CYP4Z1: variants seen among roughly 807,000 people sequenced by gnomAD.
CYP4Z1 encodes the protein cytochrome P450 4Z1.
Under a neutral mutation model 54.2 loss-of-function variants are expected in CYP4Z1, and 41 were observed. The observed-to-expected ratio is 0.76, with a 90% confidence interval of 0.59 to 0.98. CYP4Z1 has a LOEUF of 0.98. CYP4Z1 is among the 50% of genes least tolerant of loss of function. CYP4Z1 has a pLI of 0.00. For missense variants in CYP4Z1, 513 were observed against 599.0 expected (o/e 0.86, Z 1.50); for synonymous variants, 163 against 206.2 (o/e 0.79, Z 1.79).
intron 4 of CYP4Z1, among the ~76,000 whole-genome samples, chr1:47,084,190 A>G (rs1358967693): frequency 1.3e-5 from 2 of 152,156 alleles, no homozygotes; most frequent in Non-Finnish European, 2.9e-5. Flanking sequence ...TCCTCTCTAA[A>G]TTCTCAATGG....
chr1:47,107,106 TAACAAA>T (rs887052564), intron 9 of CYP4Z1, among the ~76,000 whole-genome samples: 1 of 152,202 alleles, frequency 6.6e-6, no homozygotes, highest in Non-Finnish European at 1.5e-5. Flanking sequence ...ACTATTGTAA[TAACAAA>T]AACAAAAACT....
At chr1:47,108,206 C>G (rs1644770070) in intron 9 of CYP4Z1, among the ~76,000 whole-genome samples, 1 of 152,140 alleles carries the variant, frequency 6.6e-6, no homozygotes, top group Non-Finnish European at 1.5e-5. Flanking sequence ...CCCTGCTTTC[C>G]TTCCTGCCCC....
Position 47,103,703 on chromosome 1 carries a change from T to G in CYP4Z1, c.1068-2425T>G, listed in dbSNP as rs577220677. 1.9e-3 allele frequency among the ~76,000 whole-genome samples: 279 copies of G among 150,318 alleles called. 1 individual carries two copies. Among genetic ancestry groups the G allele is most frequent in the African/African-American group, 6.5e-3 (269 of 41,076 alleles). ...TCCACCTCCCGGGTTCAAGCAATTCTCCTGCCTCAGACATTTGAGTAGCTG... is the reference window on the plus strand; with the variant it reads ...TCCACCTCCCGGGTTCAAGCAATTCGCCTGCCTCAGACATTTGAGTAGCTG... On this transcript the variant is annotated intron_variant, in intron 8 of 11. Transcript: ENST00000334194.
chr1:47,082,589 A>C, intron 4 of CYP4Z1, 128 bp downstream of exon 4: 1 of 1,373,952 alleles, frequency 7.3e-7, no homozygotes, highest in Non-Finnish European at 9.8e-7. Context: ...TTTGATGTTT[A>C]GACCATGACC....
upstream of CYP4Z1, among the ~76,000 whole-genome samples, chr1:47,064,816 A>T (rs954824737): frequency 6.6e-6 from 1 of 152,176 alleles, no homozygotes. Flanking sequence ...CACCTAACAC[A>T]TAAGGACTGA....
chr1:47,113,139 A>G (rs1644805403), intron 9 of CYP4Z1, among the ~76,000 whole-genome samples: 1 of 152,200 alleles, frequency 6.6e-6, no homozygotes, highest in African/African-American at 2.4e-5. Flanking sequence ...AGGCTGATCT[A>G]TGGACACTTT....
the CYP4Z1 span, among the ~76,000 whole-genome samples, chr1:47,059,999 A>G: frequency 5.9e-5 from 9 of 152,130 alleles, no homozygotes; most frequent in African/African-American, 1.9e-4. Flanking sequence ...TCATGAACCA[A>G]TATTAAGTAT....
At chr1:47,100,698 A>C (rs1644714965) in intron 8 of CYP4Z1, among the ~76,000 whole-genome samples, 1 of 152,204 alleles carries the variant, frequency 6.6e-6, no homozygotes, top group South Asian at 2.1e-4. Context: ...TATTGTTATT[A>C]ATCTCTTACT....
intron 9 of CYP4Z1, among the ~76,000 whole-genome samples, chr1:47,114,106 CA>C (rs1644812648): frequency 6.6e-6 from 1 of 151,820 alleles, no homozygotes; most frequent in African/African-American, 2.4e-5. Context: ...AGATATAGAT[CA>C]ATGGAACAGA....
At chr1:47,096,366 G>A (rs1469078998) in intron 7 of CYP4Z1, among the ~76,000 whole-genome samples, 1 of 152,174 alleles carries the variant, frequency 6.6e-6, no homozygotes, top group African/African-American at 2.4e-5. Flanking sequence ...TCATGCCACT[G>A]CACTCCAGAC....
chr1:47,076,990 T>G (rs1179231310), intron 2 of CYP4Z1, among the ~76,000 whole-genome samples: 1 of 151,968 alleles, frequency 6.6e-6, no homozygotes, highest in Non-Finnish European at 1.5e-5. Context: ...TGAGACTTTT[T>G]TTGTGACTTA....
intron 9 of CYP4Z1, among the ~76,000 whole-genome samples, chr1:47,111,024 T>C (rs2405589): frequency 6.6e-6 from 1 of 152,068 alleles, no homozygotes; most frequent in Non-Finnish European, 1.5e-5. Flanking sequence ...GGTGTTCCAG[T>C]TGCCATTCTA....
chr1:47,056,627 C>T, the CYP4Z1 span, among the ~76,000 whole-genome samples: 2 of 151,952 alleles, frequency 1.3e-5, no homozygotes, highest in African/African-American at 4.8e-5. Context: ...ATGTATATTT[C>T]AGATAGTTAG....
At chr1:47,099,423 A>T (rs542607268) in intron 8 of CYP4Z1, 139 bp downstream of exon 8, 35 of 737,246 alleles carry the variant, frequency 4.7e-5, no homozygotes, top group Non-Finnish European at 7.3e-5. Flanking sequence ...CTAGAGTCCT[A>T]CGTTATTTAA....
At chr1:47,057,452 G>A in the CYP4Z1 span, among the ~76,000 whole-genome samples, 1 of 127,314 alleles carries the variant, frequency 7.9e-6, no homozygotes, top group Non-Finnish European at 1.6e-5. Flanking sequence ...ATTTGATATT[G>A]TCCCACAGGA....
intron 6 of CYP4Z1, among the ~76,000 whole-genome samples, chr1:47,087,554 G>T (rs1318507549): frequency 3.3e-5 from 5 of 152,172 alleles, no homozygotes; most frequent in Non-Finnish European, 7.4e-5. Flanking sequence ...TGTATCCTGA[G>T]ACTTTGCTGA....
the CYP4Z1 span, among the ~76,000 whole-genome samples, chr1:47,057,966 C>G: frequency 1.3e-5 from 2 of 151,868 alleles, no homozygotes; most frequent in Non-Finnish European, 2.9e-5. Context: ...GGAGGCAGTT[C>G]AACTACTGGT....
chr1:47,089,680 C>A (rs1644624646), intron 6 of CYP4Z1, among the ~76,000 whole-genome samples: 1 of 152,208 alleles, frequency 6.6e-6, no homozygotes, highest in Admixed American at 6.5e-5. Context: ...TATCTCTTTT[C>A]ACCTAGAAGC....
At chr1:47,116,086 C>T (rs1283416091) in intron 10 of CYP4Z1, among the ~76,000 whole-genome samples, 1 of 152,100 alleles carries the variant, frequency 6.6e-6, no homozygotes, top group East Asian at 1.9e-4. Flanking sequence ...TGGGAGAGAA[C>T]AAGCACACTC....
Sources: allele counts gnomAD v4.1 joint callset (sites outside exome capture counted in the v4.1 genomes callset), GRCh38; gene constraint gnomAD v4.1.1; transcripts MANE v1.5; gene names NCBI Gene and HGNC (gene_info 2026-07-23, HGNC 2026-07-21).